SIN3A: variants seen among roughly 807,000 people sequenced by gnomAD.
The protein encoded by SIN3A is SIN3 transcription regulator family member A.
A neutral mutation model predicts 146.1 loss-of-function variants in SIN3A; 14 were observed. The ratio of observed to expected loss-of-function variants is 0.10; its 90% CI spans 0.06 to 0.15. The LOEUF (loss-of-function observed/expected upper bound fraction) is 0.15, where lower values mean the gene tolerates loss of function less well. Ranked by LOEUF, SIN3A falls within the 10% of genes least tolerant of loss-of-function variation. The pLI is 1.00. For missense variants in SIN3A, 1,028 were observed against 1,576.0 expected (o/e 0.65, Z 5.89); for synonymous variants, 572 against 572.0 (o/e 1.00, Z 0.00).
At chr15:75,416,470 C>T (rs2141514828) in intron 3 of SIN3A, among the ~76,000 whole-genome samples, 1 of 152,294 alleles carries the variant, frequency 6.6e-6, no homozygotes, top group Admixed American at 6.5e-5. Context: ...GGGTTACAGG[C>T]ACCCGCCAGC....
upstream of SIN3A, among the ~76,000 whole-genome samples, chr15:75,452,519 A>C (rs2074427072): frequency 6.6e-6 from 1 of 152,262 alleles, no homozygotes; most frequent in South Asian, 2.1e-4. Flanking sequence ...CCTTGTAAAC[A>C]CAAATATCCG....
At chr15:75,399,169 G>A (rs1175927027) in intron 12 of SIN3A, among the ~76,000 whole-genome samples, 2 of 151,972 alleles carry the variant, frequency 1.3e-5, no homozygotes, top group Non-Finnish European at 2.9e-5. Context: ...GCAATGAACT[G>A]TGATTGTGCC....
Position 75,396,396 on chromosome 15 carries a change from C to A in SIN3A, c.1955G>T (p.Arg652Leu), listed in dbSNP as rs1472631142. The A allele has an allele frequency of 6.2e-7, 1 of 1,614,120 alleles. No homozygotes were observed. Among genetic ancestry groups the A allele is most frequent in the Non-Finnish European group, 8.5e-7 (1 of 1,180,020 alleles). ...RLSAEEQAKF[R>L]LDNTLGGTSE... ...TGTGCCCCCAAGGGTGTTGTCCAAG[C>A]GAAATTTGGCTTGTTCTTCAGCAGA... Residue 652 changes from arginine (R) to leucine (L), a missense_variant, in exon 13 of 21, where the codon CGC (arginine) becomes CTC (leucine). Transcript: ENST00000394947.
intron 1 of SIN3A, among the ~76,000 whole-genome samples, chr15:75,451,133 G>A (rs2141650097): frequency 1.3e-5 from 2 of 149,862 alleles, no homozygotes; most frequent in South Asian, 2.1e-4. Flanking sequence ...GCGCGAAGCC[G>A]GCCCCGCCCC....
chr15:75,409,203 C>CA (rs200575330), intron 8 of SIN3A, among the ~76,000 whole-genome samples: 2 of 145,128 alleles, frequency 1.4e-5, no homozygotes, highest in Non-Finnish European at 3.0e-5. Flanking sequence ...GACTCCATCT[C>CA]AAAAAAAAAA....
chr15:75,450,233 T>G (rs952507342), intron 1 of SIN3A, among the ~76,000 whole-genome samples: 1 of 151,096 alleles, frequency 6.6e-6, no homozygotes, highest in Non-Finnish European at 1.5e-5. Context: ...GAGATTAAAA[T>G]GTAAATCCAA....
chr15:75,403,372 G>A (rs2141463475), intron 9 of SIN3A, among the ~76,000 whole-genome samples: 1 of 151,710 alleles, frequency 6.6e-6, no homozygotes, highest in African/African-American at 2.4e-5. Flanking sequence ...AGAGGTTGCA[G>A]TGAGCCAAGA....
At chr15:75,399,801 T>C (rs1220363224) in intron 12 of SIN3A, among the ~76,000 whole-genome samples, 7 of 152,250 alleles carry the variant, frequency 4.6e-5, no homozygotes, top group African/African-American at 1.4e-4. Flanking sequence ...TAGTCATCAA[T>C]GGACAATTTC....
chr15:75,419,647 C>G (rs1000016845), intron 3 of SIN3A: 7 of 151,178 alleles, frequency 4.6e-5, no homozygotes, highest in Non-Finnish European at 7.4e-5. Context: ...TGGAAAAACC[C>G]CGTCCTAGTA....
chr15:75,414,174 C>A, intron 4 of SIN3A, 31 bp downstream of exon 4: 1 of 1,165,766 alleles, frequency 8.6e-7, no homozygotes, highest in Non-Finnish European at 1.2e-6. Flanking sequence ...ATGCCAGATA[C>A]AAAGCTTGAG....
chr15:75,447,888 C>T (rs886614523), intron 1 of SIN3A: 1 of 152,006 alleles, frequency 6.6e-6, no homozygotes, highest in Non-Finnish European at 1.5e-5. Flanking sequence ...AAATTGCCAC[C>T]CATGACCGGG....
At chr15:75,406,462 C>T (rs1017186607) in intron 9 of SIN3A, among the ~76,000 whole-genome samples, 24 of 150,798 alleles carry the variant, frequency 1.6e-4, no homozygotes, top group Non-Finnish European at 3.1e-4. Flanking sequence ...CCGAGGCGGG[C>T]GGATCACGAG....
chr15:75,387,342 T>A (rs1333913582), intron 16 of SIN3A, among the ~76,000 whole-genome samples: 2 of 151,890 alleles, frequency 1.3e-5, no homozygotes, highest in African/African-American at 4.8e-5. Flanking sequence ...CTGGACAACA[T>A]GGCAAAACTC....
chr15:75,436,142 AAC>A (rs2074104103), intron 1 of SIN3A, among the ~76,000 whole-genome samples: 1 of 151,582 alleles, frequency 6.6e-6, no homozygotes. Context: ...TCAAAAAAAA[AAC>A]AAAAAAAACA....
Position 75,407,087 on chromosome 15 carries a change from C to T in SIN3A, c.1375G>A (p.Gly459Ser). 6.2e-7 allele frequency: 1 copy of T among 1,612,940 alleles called. No homozygotes were observed. ...DSSMADASKH[G>S]GGTESLFFDK... Reference sequence around the variant, plus strand: ...AAAAATAACGATTCTGTTCCACCACCATGTTTGCTGGCATCTGCCATAGAA... The same window carrying T: ...AAAAATAACGATTCTGTTCCACCACTATGTTTGCTGGCATCTGCCATAGAA... The change falls in exon 9 of 21, where the codon GGT becomes AGT. Residue 459 changes from glycine (G) to serine (S), a missense_variant. Transcript: ENST00000394947.
At chr15:75,423,283 A>G (rs1265491833) in intron 2 of SIN3A, among the ~76,000 whole-genome samples, 1 of 152,204 alleles carries the variant, frequency 6.6e-6, no homozygotes, top group Non-Finnish European at 1.5e-5. Context: ...CTCTAAAAAA[A>G]AAGAAAGAAA....
chr15:75,431,838 GTCTCAGGTTTT>G (rs1462461789), intron 1 of SIN3A, among the ~76,000 whole-genome samples: 1 of 152,140 alleles, frequency 6.6e-6, no homozygotes, highest in African/African-American at 2.4e-5. Flanking sequence ...CTGAAATCCT[GTCTCAGGTTTT>G]TCTCACATTT....
rs548989384 is a variant in SIN3A, at chr15:75,391,119, T to C, written c.2851+1123A>G. Among the ~76,000 whole-genome samples, 20 of 152,334 alleles carry C rather than the reference T, an allele frequency of 1.3e-4. 1 individual carries two copies. The South Asian group carries it at 3.5e-3, about 27-fold the overall frequency. ...TTTCATCACAGACTATCACATTCTT[T>C]AGCTCCATAGAATAGGTATAGGCTA... is the stretch of plus-strand genomic sequence containing the variant. On this transcript the variant is annotated intron_variant, in intron 15 of 20. Coordinates refer to ENST00000394947, the MANE Select transcript of SIN3A (RefSeq NM_001145358.2).
At chr15:75,433,671 G>A (rs1460348140) in intron 1 of SIN3A, among the ~76,000 whole-genome samples, 2 of 151,936 alleles carry the variant, frequency 1.3e-5, no homozygotes, top group African/African-American at 2.4e-5. Flanking sequence ...TTAGCCAGGC[G>A]TAGTGGCGGG....
Sources: allele counts gnomAD v4.1 joint callset (sites outside exome capture counted in the v4.1 genomes callset), GRCh38; gene constraint gnomAD v4.1.1; transcripts MANE v1.5; gene names NCBI Gene and HGNC (gene_info 2026-07-23, HGNC 2026-07-21).